LAMA3: variants seen among roughly 807,000 people sequenced by gnomAD.
LAMA3 encodes the protein laminin subunit alpha-3.
LAMA3 carries 281 observed loss-of-function variants against 402.0 expected under a neutral mutation model. The ratio of observed to expected loss-of-function variants is 0.70; its 90% CI spans 0.63 to 0.77. The LOEUF (loss-of-function observed/expected upper bound fraction) is 0.77, where lower values mean the gene tolerates loss of function less well. LAMA3 is among the 30% of genes least tolerant of loss of function. LAMA3 has a pLI of 0.00. For missense variants in LAMA3, 3,840 were observed against 4,215.5 expected, an observed-to-expected ratio of 0.91 and a Z score of 2.47; for synonymous variants, 1,431 against 1,558.4, an observed-to-expected ratio of 0.92 and a Z score of 1.93.
chr18:23,817,839 C>T (rs1301549326), intron 18 of LAMA3, among the ~76,000 whole-genome samples: 1 of 152,182 alleles, frequency 6.6e-6, no homozygotes, highest in Non-Finnish European at 1.5e-5. Context: ...TGAGCCTCCC[C>T]ATGGGCCAGG....
intron 68 of LAMA3, among the ~76,000 whole-genome samples, chr18:23,943,421 T>C (rs193176698): frequency 7.9e-4 from 120 of 152,346 alleles, no homozygotes; most frequent in South Asian, 2.3e-3. Flanking sequence ...TTAAAAAAGG[T>C]TAAGATGGCA....
intron 21 of LAMA3, among the ~76,000 whole-genome samples, chr18:23,825,940 A>C (rs552509326): frequency 9.9e-5 from 15 of 152,270 alleles, no homozygotes; most frequent in African/African-American, 3.6e-4. Flanking sequence ...AACCCTTTTA[A>C]AATTTAAACC....
At chr18:23,853,398 C>T (rs996422971) in intron 32 of LAMA3, among the ~76,000 whole-genome samples, 1 of 152,114 alleles carries the variant, frequency 6.6e-6, no homozygotes, top group Non-Finnish European at 1.5e-5. Flanking sequence ...CTCAGCCTGC[C>T]GAGTAGCTGG....
rs372565107 is a variant in LAMA3 at position 23,846,422 on chromosome 18, G to A, written c.3845G>A (p.Gly1282Asp). The A allele has an allele frequency of 2.5e-6, 4 of 1,613,862 alleles. No homozygotes were observed. In the African/African-American group the frequency reaches 5.3e-5, roughly 22 times the overall value. ...ACCGGCCCTCACTGCAGCCCTGAGG[G>A]TGGGCAGTGCCCATGCCAGCCCAAC... ...GATGPHCSPE[G>D]GQCPCQPNVI... The change falls in exon 31 of 75, where the codon GGT becomes GAT. Residue 1282 changes from glycine to aspartate, a missense_variant. Gly to Asp is a moderately conservative substitution (Grantham distance 94). Coordinates refer to ENST00000313654, the MANE Select transcript of LAMA3 (RefSeq NM_198129.4).
intron 2 of LAMA3, among the ~76,000 whole-genome samples, chr18:23,716,252 C>A (rs1005020547): frequency 6.6e-6 from 1 of 152,100 alleles, no homozygotes; most frequent in Non-Finnish European, 1.5e-5. Context: ...CTGCCTCCCA[C>A]GCTCAAGTGA....
At chr18:23,814,616 A>G in intron 15 of LAMA3, 114 bp downstream of exon 15, 1 of 736,238 alleles carries the variant, frequency 1.4e-6, no homozygotes, top group Non-Finnish European at 2.4e-6. Flanking sequence ...ATTTGACAAG[A>G]TTCTATGTAA....
At position 23,813,085 on chromosome 18, in the gene LAMA3, T is replaced by C. The variant is rs1386133187; in HGVS notation, c.1770T>C (p.Gly590=). 1.2e-6 allele frequency: 2 copies of C among 1,609,194 alleles called. No homozygotes were observed. The highest frequency in any genetic ancestry group is 1.7e-6 in the Non-Finnish European group (2 of 1,175,568). The change falls in exon 14 of 75, where the codon GGT becomes GGC. Residue 590 remains glycine (G), a synonymous_variant. Transcript: ENST00000313654. ...QGSSSACDPA[G]TINSNLGYCQ... Reference sequence around the variant, plus strand: ...CCAGCAGTGCTTGTGACCCAGCTGGTACCATCAACTCCAATTTGGTAAGTA... The same window carrying C: ...CCAGCAGTGCTTGTGACCCAGCTGGCACCATCAACTCCAATTTGGTAAGTA...
At chr18:23,812,136 G>T (rs575002674) in intron 13 of LAMA3, among the ~76,000 whole-genome samples, 2 of 152,112 alleles carry the variant, frequency 1.3e-5, no homozygotes, top group East Asian at 3.9e-4. Context: ...GCCTCCCAAA[G>T]TGCTGGGATT....
At chr18:23,926,991 A>G (rs773775450) in intron 62 of LAMA3, among the ~76,000 whole-genome samples, 2 of 152,212 alleles carry the variant, frequency 1.3e-5, no homozygotes, top group African/African-American at 2.4e-5. Flanking sequence ...CATTGTCTAA[A>G]TGAGGAAACA....
chr18:23,881,805 G>T, intron 39 of LAMA3, 131 bp from the exon 40 acceptor site: 1 of 699,384 alleles, frequency 1.4e-6, no homozygotes. Context: ...AAAATACATG[G>T]TTAGAGGAGC....
At chr18:23,836,106 T>TACACACACACAC (rs10569981) in intron 24 of LAMA3, among the ~76,000 whole-genome samples, 4 of 148,042 alleles carry the variant, frequency 2.7e-5, no homozygotes, top group African/African-American at 1.0e-4. Context: ...TTTTAATGGA[T>TACACACACACAC]ACACACACAC....
chr18:23,734,960 T>A (rs1169519249), intron 2 of LAMA3, among the ~76,000 whole-genome samples: 1 of 152,246 alleles, frequency 6.6e-6, no homozygotes, highest in Non-Finnish European at 1.5e-5. Flanking sequence ...ACTTAGTCCC[T>A]GGGCAATTGA....
intron 62 of LAMA3, among the ~76,000 whole-genome samples, chr18:23,923,447 G>A (rs78183138): frequency 0.015 from 2,308 of 152,310 alleles, 67 homozygotes; most frequent in African/African-American, 0.053. Context: ...TGGTGAATGG[G>A]CAGCACTGCA....
intron 1 of LAMA3, among the ~76,000 whole-genome samples, chr18:23,695,843 T>C (rs1442335344): frequency 1.9e-4 from 24 of 126,962 alleles, no homozygotes; most frequent in Non-Finnish European, 4.8e-5. Context: ...AAAAGAAATA[T>C]GTGCACTTCT....
intron 1 of LAMA3, among the ~76,000 whole-genome samples, chr18:23,703,819 C>T (rs1463079086): frequency 6.6e-6 from 1 of 152,186 alleles, no homozygotes; most frequent in East Asian, 1.9e-4. Flanking sequence ...GCTGGGTGTT[C>T]ACCACTCACC....
At chr18:23,904,225 GC>G in intron 50 of LAMA3, 138 bp downstream of exon 50, 1 of 940,258 alleles carries the variant, frequency 1.1e-6, no homozygotes, top group Non-Finnish European at 1.7e-6. Flanking sequence ...CAAGGCCAAT[GC>G]CCCAGGCCCA....
chr18:23,944,300 C>T (rs1160525703), intron 69 of LAMA3, among the ~76,000 whole-genome samples: 1 of 152,226 alleles, frequency 6.6e-6, no homozygotes, highest in African/African-American at 2.4e-5. Flanking sequence ...AATTTCCAGG[C>T]CTCCAGGCCC....
In LAMA3 at chr18:23,899,438, A is replaced by C; in HGVS notation, c.5987A>C (p.Lys1996Thr). Residue 1996 changes from lysine (K) to threonine (T), a missense_variant, in exon 47 of 75, where the codon AAA becomes ACA. Coordinates refer to ENST00000313654, the MANE Select transcript of LAMA3 (RefSeq NM_198129.4). Reference protein sequence around the residue: ...GKHLREAEADKRESQLLLNRI... With the variant: ...GKHLREAEADTRESQLLLNRI... Reference sequence around the variant, plus strand: ...CACCTCAGAGAAGCAGAAGCTGATAAAAGGGAGTCGCAGCTCTGTAAGAAT... The same window carrying C: ...CACCTCAGAGAAGCAGAAGCTGATACAAGGGAGTCGCAGCTCTGTAAGAAT... The C allele has an allele frequency of 6.2e-7, 1 of 1,614,118 alleles. No homozygotes were observed. Among genetic ancestry groups the C allele is most frequent in the Non-Finnish European group, 8.5e-7 (1 of 1,179,994 alleles).
intron 2 of LAMA3, among the ~76,000 whole-genome samples, chr18:23,738,909 G>A (rs1422573816): frequency 2.6e-5 from 4 of 152,176 alleles, no homozygotes; most frequent in Admixed American, 1.3e-4. Context: ...TGAAAAAGCT[G>A]GTATTTTCAG....
Sources: gnomAD v4.1 joint callset for allele counts (sites outside exome capture counted in the v4.1 genomes callset) on GRCh38, gnomAD v4.1.1 for gene constraint, MANE v1.5 for transcripts, NCBI Gene and HGNC (gene_info 2026-07-23, HGNC 2026-07-21) for gene names.